Variants in CYP4X1 observed in about 807,000 individuals in gnomAD.
CYP4X1 encodes the protein cytochrome P450 family 4 subfamily X member 1, also known as cytochrome P450 4X1.
CYP4X1 carries 44 observed loss-of-function variants against 57.9 expected under a neutral mutation model. The ratio of observed to expected loss-of-function variants is 0.76; its 90% CI spans 0.60 to 0.98. The LOEUF (loss-of-function observed/expected upper bound fraction) is 0.98, where lower values mean the gene tolerates loss of function less well. CYP4X1 is among the 50% of genes least tolerant of loss of function. The probability of loss-of-function intolerance (pLI) is 0.00; values close to 1 mark genes in which losing one functional copy is unlikely to be tolerated. For missense variants in CYP4X1, 532 were observed against 623.9 expected (o/e 0.85, Z 1.57); for synonymous variants, 227 against 228.6 (o/e 0.99, Z 0.06).
chr1:46,967,749 C>A, the CYP4X1 span: 1 of 1,269,162 alleles, frequency 7.9e-7, no homozygotes. Context: ...TGAACTTCAG[C>A]AAAATTCATG....
chr1:47,016,085 G>T, the CYP4X1 span, among the ~76,000 whole-genome samples: 2 of 151,812 alleles, frequency 1.3e-5, no homozygotes, highest in Admixed American at 6.6e-5. Context: ...TGCTTTGTAG[G>T]TCATTGCTCT....
chr1:46,986,324 A>T, the CYP4X1 span, among the ~76,000 whole-genome samples: 1 of 152,202 alleles, frequency 6.6e-6, no homozygotes, highest in African/African-American at 2.4e-5. Context: ...CGTGAAGACA[A>T]GATTAGAGAA....
At chr1:47,055,399 G>C (rs933324197), downstream of CYP4X1, among the ~76,000 whole-genome samples, 3 of 152,082 alleles carry the variant, frequency 2.0e-5, no homozygotes, top group Admixed American at 2.0e-4. Context: ...TTGTGTCTCT[G>C]CCAGGCTTTG....
chr1:46,981,405 A>G, the CYP4X1 span, among the ~76,000 whole-genome samples: 1 of 152,250 alleles, frequency 6.6e-6, no homozygotes, highest in Admixed American at 6.5e-5. Context: ...TGGTCATCAG[A>G]GAAATGCAAA....
chr1:47,054,074 C>T (rs12119822), downstream of CYP4X1, among the ~76,000 whole-genome samples: 44,406 of 150,286 alleles, frequency 0.3, 7,151 homozygotes, highest in East Asian at 0.69. Context: ...AGTCTTTAAT[C>T]CATCTTGAAT....
the CYP4X1 span, among the ~76,000 whole-genome samples, chr1:46,982,076 C>T: frequency 1.3e-5 from 2 of 152,104 alleles, no homozygotes; most frequent in South Asian, 4.1e-4. Flanking sequence ...CACATGTATA[C>T]ATATGTAACA....
At chr1:46,998,980 A>G in the CYP4X1 span, among the ~76,000 whole-genome samples, 3 of 150,314 alleles carry the variant, frequency 2.0e-5, no homozygotes, top group Non-Finnish European at 4.4e-5. Context: ...ATAGCCTTGT[A>G]GTAGAATTTT....
At chr1:47,042,856 A>C (rs929834788) in intron 8 of CYP4X1, among the ~76,000 whole-genome samples, 3 of 152,072 alleles carry the variant, frequency 2.0e-5, no homozygotes, top group African/African-American at 7.2e-5. Flanking sequence ...TCCATTCTTG[A>C]TTGATGGGCA....
downstream of CYP4X1, among the ~76,000 whole-genome samples, chr1:47,053,056 T>A (rs1306967910): frequency 6.6e-6 from 1 of 152,182 alleles, no homozygotes; most frequent in Non-Finnish European, 1.5e-5. Flanking sequence ...CTCCTAATGC[T>A]ATCCCTCCCC....
chr1:47,033,399 TGC>T (rs745352733), intron 4 of CYP4X1, 31 bp downstream of exon 4: 1 of 1,612,118 alleles, frequency 6.2e-7, no homozygotes, highest in Non-Finnish European at 8.5e-7. Context: ...CTCTGTGCAT[TGC>T]GAAATGCTCC....
At chr1:47,031,695 A>G (rs1369279427) in intron 3 of CYP4X1, among the ~76,000 whole-genome samples, 3 of 152,050 alleles carry the variant, frequency 2.0e-5, no homozygotes, top group Non-Finnish European at 4.4e-5. Flanking sequence ...TCTCTCCCAC[A>G]AAGTCTTATT....
intron 1 of CYP4X1, among the ~76,000 whole-genome samples, chr1:47,028,803 G>T (rs373168622): frequency 6.6e-6 from 1 of 152,152 alleles, no homozygotes; most frequent in East Asian, 1.9e-4. Flanking sequence ...CACCTGGTAC[G>T]TGTGATAGAC....
the CYP4X1 span, among the ~76,000 whole-genome samples, chr1:47,007,127 T>A: frequency 6.6e-6 from 1 of 152,194 alleles, no homozygotes; most frequent in African/African-American, 2.4e-5. Context: ...ACAGACTGCC[T>A]CCTCAGGTGG....
chr1:47,044,604 A>G (rs1326243972), intron 8 of CYP4X1, among the ~76,000 whole-genome samples: 3 of 152,030 alleles, frequency 2.0e-5, no homozygotes, highest in Non-Finnish European at 4.4e-5. Flanking sequence ...TTTGTTTTCA[A>G]TTTTCATGTT....
At chr1:46,975,222 G>C in the CYP4X1 span, among the ~76,000 whole-genome samples, 1 of 152,088 alleles carries the variant, frequency 6.6e-6, no homozygotes, top group Non-Finnish European at 1.5e-5. Context: ...CATGTTGTTA[G>C]CTGGTTGTTA....
chr1:46,967,360 T>A, the CYP4X1 span, among the ~76,000 whole-genome samples: 1 of 152,118 alleles, frequency 6.6e-6, no homozygotes, highest in Non-Finnish European at 1.5e-5. Context: ...ACAGCACCAA[T>A]AGGAAACTCA....
chr1:47,041,293 G>A (rs944729472), intron 8 of CYP4X1, among the ~76,000 whole-genome samples: 12 of 152,032 alleles, frequency 7.9e-5, no homozygotes, highest in Admixed American at 1.3e-4. Context: ...ATTTCATTTC[G>A]TTTGGTTGTA....
At chr1:47,037,386 C>A (rs1296449570) in intron 6 of CYP4X1, among the ~76,000 whole-genome samples, 1 of 151,406 alleles carries the variant, frequency 6.6e-6, no homozygotes, top group Non-Finnish European at 1.5e-5. Context: ...ATTCTCCTAC[C>A]TCAGCCTTCT....
intron 1 of CYP4X1, among the ~76,000 whole-genome samples, chr1:47,026,919 A>G (rs913606871): frequency 1.3e-4 from 20 of 151,234 alleles, no homozygotes; most frequent in Admixed American, 1.2e-3. Context: ...GTTTCACCAT[A>G]TTGGCCAGGC....
Sources: gnomAD v4.1 joint callset for allele counts (sites outside exome capture counted in the v4.1 genomes callset) on GRCh38, gnomAD v4.1.1 for gene constraint, MANE v1.5 for transcripts, NCBI Gene and HGNC (gene_info 2026-07-23, HGNC 2026-07-21) for gene names.